Variants in ZNF208 observed in about 807,000 individuals in gnomAD.
ZNF208 encodes the protein zinc finger protein 95.
A neutral mutation model predicts 12.1 loss-of-function variants in ZNF208; 10 were observed. The ratio of observed to expected loss-of-function variants is 0.83; its 90% CI spans 0.51 to 1.40. The LOEUF is 1.40. Among genes scored for constraint, ZNF208 ranks in the 40% most tolerant of loss-of-function variants. ZNF208 has a pLI of 0.00. For missense variants in ZNF208, 1,652 were observed against 1,485.0 expected, an observed-to-expected ratio of 1.11 and a Z score of -1.85; for synonymous variants, 497 against 488.4, an observed-to-expected ratio of 1.02 and a Z score of -0.23.
At position 22,007,952 on chromosome 19, in the gene ZNF208, C is replaced by T. The variant is rs546704665; in HGVS notation, c.3+2840G>A. 1.4e-4 allele frequency among the ~76,000 whole-genome samples: 20 copies of T among 139,020 alleles called. No homozygotes were observed. The East Asian group carries it at 3.4e-3, about 24-fold the overall frequency. 91.2% of individuals were successfully genotyped at this position (139,020 alleles called of 152,430 possible). A position where few individuals can be genotyped will look rare whatever the true frequency, so the allele number is the denominator to read the frequency against. ...TCGTGATGCAGAGGTTTCAGTGAGC[C>T]GAGATTGCACCACTGCAGTCCAGCC... On this transcript the variant is annotated intron_variant, in intron 1 of 3. Transcript: ENST00000397126.
In ZNF208 at chr19:21,972,002, T is replaced by A. The variant is rs777686573; in HGVS notation, c.3032A>T (p.Asn1011Ile). The change falls in exon 4 of 4, where the codon AAC becomes ATC. Residue 1011 changes from asparagine (N) to isoleucine (I), a missense_variant. This residue lies in a region of ZNF208 where 1,239 missense variants were observed against 1,086.2 expected (regional missense o/e 1.14). Coordinates refer to ENST00000397126, the MANE Select transcript of ZNF208 (RefSeq NM_007153.3). ...ATGTTCCATAAGGTTTGATGACCAG[T>A]TGAAAGCTTTGCCACATTCTTCACA... ...YKCEECGKAF[N>I]WSSNLMEHKK... 6.2e-7 allele frequency: 1 copy of A among 1,611,346 alleles called. No homozygotes were observed. The highest frequency in any genetic ancestry group is 8.5e-7 in the Non-Finnish European group (1 of 1,178,888).
chr19:21,955,965 G>A (rs894525884), intron 4 of ZNF208, among the ~76,000 whole-genome samples: 4 of 152,152 alleles, frequency 2.6e-5, no homozygotes, highest in Non-Finnish European at 5.9e-5. Context: ...CATCTTTGGG[G>A]TTTTATCTAC....
intron 1 of ZNF208, among the ~76,000 whole-genome samples, chr19:22,002,232 C>A (rs1400532476): frequency 6.6e-6 from 1 of 152,080 alleles, no homozygotes; most frequent in Non-Finnish European, 1.5e-5. Context: ...AACCCACAGC[C>A]AATATACTGA....
At chr19:21,989,564 G>T (rs1453616366) in intron 1 of ZNF208, among the ~76,000 whole-genome samples, 1 of 151,966 alleles carries the variant, frequency 6.6e-6, no homozygotes. Flanking sequence ...TGTCTTTATA[G>T]CAGCATGATT....
chr19:21,954,662 C>CT (rs1969944131), intron 4 of ZNF208, among the ~76,000 whole-genome samples: 1 of 152,228 alleles, frequency 6.6e-6, no homozygotes, highest in Admixed American at 6.5e-5. Context: ...GCAACCCCTG[C>CT]TTTTTTTGGT....
At chr19:21,991,116 G>A (rs1970725734) in intron 1 of ZNF208, among the ~76,000 whole-genome samples, 1 of 152,002 alleles carries the variant, frequency 6.6e-6, no homozygotes, top group South Asian at 2.1e-4. Context: ...CTGCCTAATT[G>A]CCCTGGTCAG....
Position 21,948,245 on chromosome 19 carries a change from G to A in ZNF208, c.306-15008C>T, listed in dbSNP as rs372490998. ...AAGAAAAAATGGCTTATATTCTGTCGCACAAACCCATGGCCATCTTAGAGA... is the reference window on the plus strand; with the variant it reads ...AAGAAAAAATGGCTTATATTCTGTCACACAAACCCATGGCCATCTTAGAGA... On this transcript the variant is annotated intron_variant, in intron 4 of 4. Transcript: ENST00000599916. Among the ~76,000 whole-genome samples, 300 of 152,180 alleles carry A rather than the reference G, an allele frequency of 2.0e-3. 1 individual carries two copies. The highest frequency in any genetic ancestry group is 6.7e-3 in the African/African-American group (278 of 41,518).
In ZNF208 at chr19:21,972,412, T is replaced by C. The variant is rs995179721; in HGVS notation, c.2622A>G (p.Ser874=). The C allele has an allele frequency of 6.2e-7, 1 of 1,612,470 alleles. No individual in the cohort carries two copies. The highest frequency in any genetic ancestry group is 8.5e-7 in the Non-Finnish European group (1 of 1,179,276). Residue 874 remains serine, a synonymous_variant, in exon 4 of 4, where the codon TCA becomes TCG. Transcript: ENST00000397126. ...EECGKAYKWP[S]TLSYHKKIHT... is the part of the protein sequence containing the mutation. ...GAATTTTCTTATGATAACTAAGGGT[T>C]GAGGGCCATTTATAGGCTTTGCCAC...
chr19:21,946,300 G>T (rs1316152358), intron 4 of ZNF208, among the ~76,000 whole-genome samples: 1 of 152,266 alleles, frequency 6.6e-6, no homozygotes, highest in East Asian at 1.9e-4. Context: ...CAGCCTTTAT[G>T]GATCATTACT....
At chr19:21,952,052 C>A (rs997509704) in intron 4 of ZNF208, among the ~76,000 whole-genome samples, 2 of 152,246 alleles carry the variant, frequency 1.3e-5, no homozygotes, top group African/African-American at 4.8e-5. Context: ...ACTGCTAGCA[C>A]AGCAGTCTAA....
At chr19:22,001,164 A>T (rs1176481836) in intron 1 of ZNF208, among the ~76,000 whole-genome samples, 1 of 152,178 alleles carries the variant, frequency 6.6e-6, no homozygotes, top group Non-Finnish European at 1.5e-5. Flanking sequence ...GCATGCCTGT[A>T]ATCTCAGCTA....
downstream of ZNF208, among the ~76,000 whole-genome samples, chr19:21,962,442 T>C (rs980777237): frequency 1.3e-5 from 2 of 152,158 alleles, no homozygotes; most frequent in Non-Finnish European, 2.9e-5. Context: ...AAAAAGAACA[T>C]TTTTAAAAAA....
chr19:21,996,008 T>C (rs1373982234), intron 1 of ZNF208, among the ~76,000 whole-genome samples: 3 of 152,238 alleles, frequency 2.0e-5, no homozygotes, highest in Non-Finnish European at 4.4e-5. Context: ...AGGTCTTATT[T>C]GCAAATTCTA....
intron 1 of ZNF208, 146 bp downstream of exon 1, chr19:22,010,646 A>G: frequency 8.0e-7 from 1 of 1,253,830 alleles, no homozygotes; most frequent in Non-Finnish European, 1.2e-6. Context: ...CTTATGGCTG[A>G]ACCGGACTGA....
chr19:21,973,449 C>A lies in ZNF208; in HGVS notation c.1585G>T (p.Glu529Ter). 1 of 1,613,022 alleles carries A rather than the reference C, an allele frequency of 6.2e-7. No homozygotes were observed. The highest frequency in any genetic ancestry group is 1.1e-5 in the South Asian group (1 of 91,070). The change falls in exon 4 of 4, where the codon GAA becomes TAA. Residue 529 changes from glutamate to a stop codon, truncating the protein, a stop_gained. Transcript: ENST00000397126. LOFTEE classifies it low-confidence loss of function (END_TRUNC). ...AATGTACTGAAGCTTTTGCCACATT[C>A]TTCACATTTGTAGGGTTTCTCTCCA... The part of the protein sequence containing the change: ...HTGEKPYKCE[E>*]CGKSFSTFSI...
chr19:21,949,838 C>T (rs527257711), intron 4 of ZNF208, among the ~76,000 whole-genome samples: 9 of 152,174 alleles, frequency 5.9e-5, no homozygotes, highest in South Asian at 2.1e-4. Context: ...TCAAAGGCCA[C>T]GAGGTTAACA....
chr19:22,007,320 C>T (rs1360146346), intron 1 of ZNF208, among the ~76,000 whole-genome samples: 2 of 150,564 alleles, frequency 1.3e-5, no homozygotes, highest in Non-Finnish European at 3.0e-5. Flanking sequence ...GAGATTGAGA[C>T]CATCCTGGCT....
chr19:22,001,273 G>A (rs1444134516), intron 1 of ZNF208, among the ~76,000 whole-genome samples: 2 of 142,848 alleles, frequency 1.4e-5, no homozygotes, highest in Admixed American at 7.2e-5. Flanking sequence ...CAACAAGAGC[G>A]AAACTCCATC....
chr19:21,988,839 T>G lies in ZNF208; in HGVS notation c.74A>C (p.Gln25Pro), dbSNP rs761026369. ...LEEWQCLDTAQQNLYRNVMLE... is the reference protein window; with the variant it reads ...LEEWQCLDTAPQNLYRNVMLE... ...CATCACATTTCTATATAAATTCTGC[T>G]GTGCAGTGTCCAGGCATTGCCACTC... Residue 25 changes from glutamine to proline, a missense_variant, in exon 2 of 4, where the codon CAG (glutamine) becomes CCG (proline). Coordinates refer to ENST00000397126, the MANE Select transcript of ZNF208 (RefSeq NM_007153.3). The G allele has an allele frequency of 6.2e-6, 10 of 1,614,170 alleles. No individual in the cohort carries two copies. In the African/African-American group the frequency reaches 1.2e-4, roughly 19 times the overall value.
Sources: gnomAD v4.1 joint callset for allele counts (sites outside exome capture counted in the v4.1 genomes callset) on GRCh38, gnomAD v4.1.1 for gene constraint, gnomAD v4.1.1 regional missense constraint, MANE v1.5 for transcripts, NCBI Gene and HGNC (gene_info 2026-07-23, HGNC 2026-07-21) for gene names.